AP3B1: variants seen among roughly 807,000 people sequenced by gnomAD.
AP3B1 encodes the protein AP-3 complex subunit beta-1.
AP3B1 carries 61 observed loss-of-function variants against 132.5 expected under a neutral mutation model. The observed-to-expected ratio is 0.46, with a 90% CI of 0.37 to 0.57. The LOEUF is 0.57. AP3B1 is among the 20% of genes least tolerant of loss of function. The probability of loss-of-function intolerance (pLI) is 0.00; values close to 1 mark genes in which losing one functional copy is unlikely to be tolerated. For synonymous variants in AP3B1, 388 were observed against 438.3 expected (o/e 0.89, Z 1.43); for missense variants, 1,120 against 1,289.4 (o/e 0.87, Z 2.01).
intron 17 of AP3B1, among the ~76,000 whole-genome samples, chr5:78,117,172 C>CCT (rs1751883147): frequency 8.2e-6 from 1 of 122,244 alleles, no homozygotes. Flanking sequence ...TCCCCACCAC[C>CCT]TTTTTTTTTT....
chr5:78,184,917 C>T (rs1744541170), intron 7 of AP3B1, among the ~76,000 whole-genome samples: 1 of 152,116 alleles, frequency 6.6e-6, no homozygotes, highest in African/African-American at 2.4e-5. Flanking sequence ...AAACAGCACA[C>T]ATTATAGTAA....
chr5:78,129,607 A>G (rs1752608006), intron 15 of AP3B1, among the ~76,000 whole-genome samples: 1 of 152,096 alleles, frequency 6.6e-6, no homozygotes, highest in Non-Finnish European at 1.5e-5. Context: ...AACCCGCTGA[A>G]GGGGTCTACG....
At chr5:78,162,095 C>CATAATT (rs966393257) in intron 13 of AP3B1, among the ~76,000 whole-genome samples, 24 of 151,946 alleles carry the variant, frequency 1.6e-4, no homozygotes, top group African/African-American at 5.6e-4. Context: ...CATTTTAATA[C>CATAATT]ATAATTATAA....
intron 22 of AP3B1, among the ~76,000 whole-genome samples, chr5:78,081,512 T>C (rs1750004692): frequency 6.6e-6 from 1 of 151,980 alleles, no homozygotes; most frequent in African/African-American, 2.4e-5. Context: ...GGTTTCACCA[T>C]GGTCTCGATC....
intron 7 of AP3B1, among the ~76,000 whole-genome samples, chr5:78,187,458 G>T (rs893275555): frequency 9.2e-5 from 14 of 152,198 alleles, no homozygotes; most frequent in African/African-American, 3.4e-4. Context: ...TTAACATACT[G>T]AGTTCAATTA....
intron 22 of AP3B1, among the ~76,000 whole-genome samples, chr5:78,070,372 A>G (rs912533228): frequency 1.3e-5 from 2 of 150,602 alleles, no homozygotes; most frequent in Non-Finnish European, 2.9e-5. Flanking sequence ...ACGCTACTGC[A>G]CTCCAGCCTG....
At chr5:78,142,009 T>G (rs1364356872) in intron 14 of AP3B1, among the ~76,000 whole-genome samples, 1 of 152,218 alleles carries the variant, frequency 6.6e-6, no homozygotes, top group Admixed American at 6.5e-5. Context: ...AAACTGTTTT[T>G]GCTCTTTATG....
intron 2 of AP3B1, among the ~76,000 whole-genome samples, chr5:78,246,287 C>T (rs144354292): frequency 7.9e-5 from 12 of 152,312 alleles, no homozygotes; most frequent in African/African-American, 2.9e-4. Flanking sequence ...AGCCTAACAG[C>T]ACTGTATTTT....
intron 22 of AP3B1, among the ~76,000 whole-genome samples, chr5:78,080,078 G>A (rs1326995364): frequency 6.6e-6 from 1 of 152,118 alleles, no homozygotes; most frequent in Non-Finnish European, 1.5e-5. Context: ...GTGCGATCCT[G>A]GCTCTTGACA....
chr5:78,261,950 C>T (rs369558609), intron 2 of AP3B1, among the ~76,000 whole-genome samples: 45 of 151,568 alleles, frequency 3.0e-4, no homozygotes, highest in African/African-American at 1.1e-3. Flanking sequence ...CGAGATTTGT[C>T]TTTTTAGTAG....
At chr5:78,241,026 C>G in intron 2 of AP3B1, 90 bp from the exon 3 acceptor site, 1 of 886,944 alleles carries the variant, frequency 1.1e-6, no homozygotes, top group Non-Finnish European at 1.8e-6. Context: ...ACGTAATTAA[C>G]CGCTGAACTC....
intron 26 of AP3B1, among the ~76,000 whole-genome samples, chr5:78,012,055 A>G (rs1271866604): frequency 6.6e-6 from 1 of 152,016 alleles, no homozygotes; most frequent in African/African-American, 2.4e-5. Context: ...TAAATATTAG[A>G]GTGGCTTTGG....
At chr5:78,004,523 A>C (rs568746668) in intron 26 of AP3B1, among the ~76,000 whole-genome samples, 5 of 152,288 alleles carry the variant, frequency 3.3e-5, no homozygotes, top group African/African-American at 1.2e-4. Flanking sequence ...TAACACATTA[A>C]TTTTTTTAAA....
chr5:78,011,016 G>A (rs116017413), intron 26 of AP3B1, among the ~76,000 whole-genome samples: 158 of 150,482 alleles, frequency 1.0e-3, no homozygotes, highest in African/African-American at 3.7e-3. Context: ...GCAGATTGAC[G>A]CAATGACCAT....
chr5:78,108,160 A>G (rs1393856038), intron 20 of AP3B1, among the ~76,000 whole-genome samples: 1 of 152,212 alleles, frequency 6.6e-6, no homozygotes, highest in Non-Finnish European at 1.5e-5. Flanking sequence ...AAAAAAAAGA[A>G]AAGAAAGAGT....
At chr5:78,189,813 T>G (rs1370314075) in intron 7 of AP3B1, among the ~76,000 whole-genome samples, 1 of 151,080 alleles carries the variant, frequency 6.6e-6, no homozygotes, top group Non-Finnish European at 1.5e-5. Flanking sequence ...GAGGTTGCAG[T>G]GAGCCAAGAT....
intron 2 of AP3B1, among the ~76,000 whole-genome samples, chr5:78,253,606 T>C (rs1025487325): frequency 2.0e-5 from 3 of 152,186 alleles, no homozygotes; most frequent in South Asian, 2.1e-4. Context: ...ACCTTTCAGA[T>C]ACAGAATTCA....
chr5:78,118,897 C>T (rs1185580268), intron 17 of AP3B1, among the ~76,000 whole-genome samples: 1 of 152,170 alleles, frequency 6.6e-6, no homozygotes, highest in African/African-American at 2.4e-5. Context: ...CCCTGACCCC[C>T]AAGCAGCCTA....
At chr5:78,152,415 G>A (rs1478840669) in intron 14 of AP3B1, among the ~76,000 whole-genome samples, 1 of 151,976 alleles carries the variant, frequency 6.6e-6, no homozygotes, top group East Asian at 1.9e-4. Context: ...GGGAGGTTGT[G>A]TGTGTCTAGG....
Sources: allele counts gnomAD v4.1 joint callset (sites outside exome capture counted in the v4.1 genomes callset), GRCh38; gene constraint gnomAD v4.1.1; transcripts MANE v1.5; gene names NCBI Gene and HGNC (gene_info 2026-07-23, HGNC 2026-07-21).